The following CCDC13 variants were observed in gnomAD, a reference collection of about 807,000 sequenced individuals.
CCDC13 encodes the protein coiled-coil domain-containing protein 13.
CCDC13 carries 70 observed loss-of-function variants against 87.3 expected under a neutral mutation model. That is an observed-to-expected ratio of 0.80 (90% CI 0.66 to 0.98). The LOEUF (loss-of-function observed/expected upper bound fraction) is 0.98. CCDC13 is among the 50% of genes least tolerant of loss of function. The pLI is 0.00. For missense variants in CCDC13, 842 were observed against 892.0 expected (o/e 0.94, Z 0.71); for synonymous variants, 317 against 360.3 (o/e 0.88, Z 1.36).
chr3:42,730,394 C>A, intron 13 of CCDC13, 73 bp downstream of exon 13: 1 of 1,569,644 alleles, frequency 6.4e-7, no homozygotes. Context: ...AGGACCCAGT[C>A]ATAAATGAGG....
intron 13 of CCDC13, among the ~76,000 whole-genome samples, chr3:42,729,998 CTCCTGG>C (rs1559642985): frequency 6.6e-6 from 1 of 152,144 alleles, no homozygotes; most frequent in Non-Finnish European, 1.5e-5. Flanking sequence ...AAAACCATAC[CTCCTGG>C]TCCAGTGCCT....
chr3:42,740,767 G>C (rs1225906532), intron 8 of CCDC13, among the ~76,000 whole-genome samples: 1 of 152,214 alleles, frequency 6.6e-6, no homozygotes, highest in Non-Finnish European at 1.5e-5. Context: ...ATAAAGACAA[G>C]ATGGAGACAT....
Position 42,713,197 on chromosome 3 carries a change from G to A in CCDC13, c.1838C>T (p.Ser613Leu). 6.2e-7 allele frequency: 1 copy of A among 1,614,172 alleles called. No individual in the cohort carries two copies. Among genetic ancestry groups the A allele is most frequent in the South Asian group, 1.1e-5 (1 of 91,080 alleles). Residue 613 changes from serine (S) to leucine (L), a missense_variant, in exon 14 of 16, where the codon TCA (serine) becomes TTA (leucine). Physicochemically the swap from Ser to Leu is moderately radical, Grantham distance 145. Coordinates refer to ENST00000310232, the MANE Select transcript of CCDC13 (RefSeq NM_144719.4). ...EKIRLEPGKASASQRAAPRTK... is the reference protein window; with the variant it reads ...EKIRLEPGKALASQRAAPRTK... Reference sequence around the variant, plus strand: ...CCTGGGAGCTGCTCTCTGGGAGGCTGATGCCTTCCCTGGCTCCAGGCGTAT... The same window carrying A: ...CCTGGGAGCTGCTCTCTGGGAGGCTAATGCCTTCCCTGGCTCCAGGCGTAT...
intron 3 of CCDC13, among the ~76,000 whole-genome samples, chr3:42,756,513 T>G (rs560920518): frequency 9.2e-5 from 14 of 151,794 alleles, no homozygotes; most frequent in Admixed American, 7.2e-4. Flanking sequence ...GATATCCTCC[T>G]AGAACAGGTG....
At chr3:42,744,106 G>C (rs1699317725) in intron 7 of CCDC13, among the ~76,000 whole-genome samples, 1 of 152,162 alleles carries the variant, frequency 6.6e-6, no homozygotes, top group Non-Finnish European at 1.5e-5. Context: ...AGTTCTAGCG[G>C]AAGGGACATG....
At chr3:42,771,925 CTG>C (rs1468326807) in intron 1 of CCDC13, among the ~76,000 whole-genome samples, 1 of 152,130 alleles carries the variant, frequency 6.6e-6, no homozygotes, top group Non-Finnish European at 1.5e-5. Flanking sequence ...CATAAAGGAA[CTG>C]TTTTTTGTTT....
intron 5 of CCDC13, chr3:42,750,042 C>A (rs147431927): frequency 7.1e-6 from 3 of 422,976 alleles, no homozygotes; most frequent in Non-Finnish European, 9.6e-6. Flanking sequence ...TTGAGACCTG[C>A]GGCCCATCAC....
At position 42,730,518 on chromosome 3, in the gene CCDC13, G is replaced by A. The variant is rs753423577; in HGVS notation, c.1667C>T (p.Ala556Val). The A allele has an allele frequency of 1.2e-6, 2 of 1,614,158 alleles. No homozygotes were observed. Among genetic ancestry groups the A allele is most frequent in the Non-Finnish European group, 1.7e-6 (2 of 1,180,006 alleles). Residue 556 changes from alanine to valine, a missense_variant, in exon 13 of 16, where the codon GCC becomes GTC. Coordinates refer to ENST00000310232, the MANE Select transcript of CCDC13 (RefSeq NM_144719.4). ...GGTGAGCCGGTCACGCTCCACCTCG[G>A]CAGCCTGCCAGAGGGCCTTGATCTC... ...VSEIKALWQA[A>V]EVERDRLTEF...
intron 9 of CCDC13, among the ~76,000 whole-genome samples, chr3:42,738,314 C>A (rs1320753967): frequency 2.6e-5 from 4 of 152,154 alleles, no homozygotes; most frequent in African/African-American, 9.7e-5. Flanking sequence ...GTTACTGTAG[C>A]CTTGTAGTAT....
rs1700179952 is a variant in CCDC13, at chr3:42,773,157, C to A, written c.-7+19G>T. On this transcript the variant is annotated intron_variant, in intron 1 of 15. Coordinates refer to ENST00000310232, the MANE Select transcript of CCDC13 (RefSeq NM_144719.4). ...TTCCCAGCTCCGGCCCGGGCCCTTC[C>A]GCTCTCCCCGGCACTTACAGCGGTC... 6.6e-6 allele frequency: 1 copy of A among 152,252 alleles called. No homozygotes were observed. The highest frequency in any genetic ancestry group is 6.5e-5 in the Admixed American group (1 of 15,280). 9.4% of individuals were successfully genotyped at this position (152,252 alleles called of 1,614,324 possible).
chr3:42,734,524 A>G (rs1233835798), intron 10 of CCDC13, among the ~76,000 whole-genome samples: 2 of 152,130 alleles, frequency 1.3e-5, no homozygotes, highest in East Asian at 3.9e-4. Context: ...GCACTATGTC[A>G]CAGCCAGTCC....
At chr3:42,731,787 C>T (rs891563775) in intron 12 of CCDC13, among the ~76,000 whole-genome samples, 1 of 152,194 alleles carries the variant, frequency 6.6e-6, no homozygotes, top group African/African-American at 2.4e-5. Context: ...ATCACTCTGC[C>T]CTGTGAATTC....
At chr3:42,751,160 C>A (rs1378349679) in intron 5 of CCDC13, among the ~76,000 whole-genome samples, 1 of 152,188 alleles carries the variant, frequency 6.6e-6, no homozygotes, top group Non-Finnish European at 1.5e-5. Flanking sequence ...GAAGATGGGG[C>A]TAGAAAACAA....
intron 14 of CCDC13, among the ~76,000 whole-genome samples, chr3:42,711,511 T>C (rs1207936036): frequency 6.6e-6 from 1 of 152,208 alleles, no homozygotes; most frequent in Non-Finnish European, 1.5e-5. Flanking sequence ...GAATTCTATT[T>C]GGCTCTCAAG....
rs1698163851 is a variant in CCDC13, at chr3:42,705,786, G to C, written c.*3194C>G. 6.6e-6 allele frequency among the ~76,000 whole-genome samples: 1 copy of C among 152,152 alleles called. No homozygotes were observed. Among genetic ancestry groups the C allele is most frequent in the Non-Finnish European group, 1.5e-5 (1 of 68,012 alleles). Reference sequence around the variant, plus strand: ...GACCAGCTGCCTGGCTGTGCACCTGGCCCACCTAAGTTAGGTTTCTCAGGG... The same window carrying C: ...GACCAGCTGCCTGGCTGTGCACCTGCCCCACCTAAGTTAGGTTTCTCAGGG... On this transcript the variant is annotated 3_prime_UTR_variant, in exon 16 of 16. Transcript: ENST00000310232.
chr3:42,731,046 T>C (rs1348711876), intron 12 of CCDC13, among the ~76,000 whole-genome samples: 2 of 152,174 alleles, frequency 1.3e-5, no homozygotes, highest in African/African-American at 4.8e-5. Flanking sequence ...TCCTGGAGCC[T>C]GTGCATTTGG....
intron 9 of CCDC13, 24 bp from the exon 10 acceptor site, chr3:42,735,937 G>C (rs759213368): frequency 5.0e-6 from 8 of 1,602,308 alleles, no homozygotes; most frequent in African/African-American, 1.3e-5. Context: ...CAGGAGGGCA[G>C]GTGGAGTCAG....
In CCDC13 at chr3:42,745,919, T is replaced by C. The variant is rs1699380309; in HGVS notation, c.825+4A>G. The stretch of plus-strand genomic sequence containing the variant: ...GGCCAGGAGAAGTCTGATGACTCAC[T>C]CACCTTGCTCTGCAAAACAAGAATT... On this transcript the variant is annotated splice_donor_region_variant and intron_variant, in intron 7 of 15. Coordinates refer to ENST00000310232, the MANE Select transcript of CCDC13 (RefSeq NM_144719.4). 1 of 1,609,688 alleles carries C rather than the reference T, an allele frequency of 6.2e-7. No individual in the cohort carries two copies. Among genetic ancestry groups the C allele is most frequent in the South Asian group, 1.1e-5 (1 of 90,994 alleles).
intron 9 of CCDC13, among the ~76,000 whole-genome samples, chr3:42,738,714 T>A (rs971649411): frequency 3.9e-5 from 6 of 152,256 alleles, no homozygotes; most frequent in Non-Finnish European, 8.8e-5. Flanking sequence ...TCTCTGTTTG[T>A]CTGTTACTGG....
Sources: allele counts gnomAD v4.1 joint callset (sites outside exome capture counted in the v4.1 genomes callset), GRCh38; gene constraint gnomAD v4.1.1; transcripts MANE v1.5; gene names NCBI Gene and HGNC (gene_info 2026-07-23, HGNC 2026-07-21).